Variants in CAMKMT observed in about 807,000 individuals in gnomAD.
The protein encoded by CAMKMT is calmodulin-lysine N-methyltransferase.
In CAMKMT, 53 loss-of-function variants were observed where a neutral mutation model predicts 48.0. The ratio of observed to expected loss-of-function variants is 1.10; its 90% CI spans 0.89 to 1.39. The LOEUF is 1.39. Ranked by LOEUF, CAMKMT falls within the 40% of genes most tolerant of loss-of-function variation. The probability of loss-of-function intolerance (pLI) is 0.00; values close to 1 mark genes in which losing one functional copy is unlikely to be tolerated. For missense variants in CAMKMT, 428 were observed against 402.7 expected, an observed-to-expected ratio of 1.06 and a Z score of -0.54; for synonymous variants, 165 against 152.3, an observed-to-expected ratio of 1.08 and a Z score of -0.61.
chr2:44,424,634 T>C (rs757399330), intron 3 of CAMKMT, among the ~76,000 whole-genome samples: 72 of 152,160 alleles, frequency 4.7e-4, no homozygotes, highest in Non-Finnish European at 9.6e-4. Flanking sequence ...CTGGATGAGA[T>C]TGGAGACTAT....
intron 3 of CAMKMT, among the ~76,000 whole-genome samples, chr2:44,573,581 C>T (rs1669041489): frequency 6.6e-6 from 1 of 151,942 alleles, no homozygotes; most frequent in Non-Finnish European, 1.5e-5. Context: ...ATATAGTTTT[C>T]ATTTTGTAGT....
At chr2:44,475,098 G>A (rs1668618804) in intron 3 of CAMKMT, among the ~76,000 whole-genome samples, 1 of 152,068 alleles carries the variant, frequency 6.6e-6, no homozygotes, top group Non-Finnish European at 1.5e-5. Flanking sequence ...ATAGCATGTG[G>A]CTTAGTTTAA....
intron 3 of CAMKMT, among the ~76,000 whole-genome samples, chr2:44,638,962 C>T (rs72867763): frequency 0.013 from 2,004 of 152,284 alleles, 32 homozygotes; most frequent in African/African-American, 0.04. Context: ...TCTGGGTTGT[C>T]TGAACTGCCA....
chr2:44,678,359 T>G (rs510026), intron 3 of CAMKMT, among the ~76,000 whole-genome samples: 2 of 151,990 alleles, frequency 1.3e-5, no homozygotes, highest in East Asian at 1.9e-4. Context: ...CTTCTCTAAA[T>G]GTGACTGTGT....
chr2:44,637,755 CAG>C (rs1373457012), intron 3 of CAMKMT, among the ~76,000 whole-genome samples: 1 of 151,968 alleles, frequency 6.6e-6, no homozygotes, highest in Non-Finnish European at 1.5e-5. Context: ...CATGTGTTTG[CAG>C]AGTTTCCTAG....
At chr2:44,382,005 G>T (rs1680295664) in intron 2 of CAMKMT, among the ~76,000 whole-genome samples, 1 of 143,086 alleles carries the variant, frequency 7.0e-6, no homozygotes, top group Non-Finnish European at 1.5e-5. Context: ...GCAATGGCAC[G>T]ATCTCGGCTC....
intron 3 of CAMKMT, among the ~76,000 whole-genome samples, chr2:44,433,672 C>T (rs1421666198): frequency 7.2e-5 from 11 of 152,122 alleles, no homozygotes; most frequent in African/African-American, 2.2e-4. Context: ...ATGATAATGT[C>T]ATATGAATGA....
At chr2:44,408,338 A>G (rs929072876) in intron 3 of CAMKMT, among the ~76,000 whole-genome samples, 1 of 151,954 alleles carries the variant, frequency 6.6e-6, no homozygotes, top group Non-Finnish European at 1.5e-5. Flanking sequence ...TTTACTCTTT[A>G]TAGATTGCTA....
At chr2:44,586,306 TAA>T (rs1374043823) in intron 3 of CAMKMT, among the ~76,000 whole-genome samples, 1 of 151,786 alleles carries the variant, frequency 6.6e-6, no homozygotes, top group Non-Finnish European at 1.5e-5. Context: ...TACAATTTGA[TAA>T]GTTTTAACAT....
At chr2:44,463,475 A>G (rs1667950190) in intron 3 of CAMKMT, among the ~76,000 whole-genome samples, 1 of 152,178 alleles carries the variant, frequency 6.6e-6, no homozygotes, top group African/African-American at 2.4e-5. Flanking sequence ...CCTTGAGAGG[A>G]AAACAGAAAA....
At chr2:44,660,894 G>A (rs1406741029) in intron 3 of CAMKMT, among the ~76,000 whole-genome samples, 1 of 152,132 alleles carries the variant, frequency 6.6e-6, no homozygotes, top group Non-Finnish European at 1.5e-5. Flanking sequence ...ACCTGGCCAG[G>A]CCAGTGTATT....
At chr2:44,470,611 TG>T (rs1420287285) in intron 3 of CAMKMT, among the ~76,000 whole-genome samples, 3 of 152,232 alleles carry the variant, frequency 2.0e-5, no homozygotes, top group African/African-American at 7.2e-5. Flanking sequence ...GTACGTTTAC[TG>T]TCTTTATTTA....
chr2:44,771,990 C>A, intron 10 of CAMKMT, 46 bp from the exon 11 acceptor site: 1 of 1,282,364 alleles, frequency 7.8e-7, no homozygotes, highest in Non-Finnish European at 1.1e-6. Flanking sequence ...GGTAAAGATC[C>A]CTAATTGGAG....
At chr2:44,426,334 C>T (rs1199925474) in intron 3 of CAMKMT, among the ~76,000 whole-genome samples, 1 of 152,060 alleles carries the variant, frequency 6.6e-6, no homozygotes. Flanking sequence ...GAAGTCTTAA[C>T]CAGAGCAATC....
At chr2:44,492,953 G>C (rs1167069831) in intron 3 of CAMKMT, among the ~76,000 whole-genome samples, 1 of 151,070 alleles carries the variant, frequency 6.6e-6, no homozygotes, top group Non-Finnish European at 1.5e-5. Context: ...GAGTGCAATG[G>C]CATGATCTTA....
intron 3 of CAMKMT, among the ~76,000 whole-genome samples, chr2:44,702,714 C>T (rs1452946400): frequency 1.3e-5 from 2 of 152,184 alleles, no homozygotes; most frequent in Non-Finnish European, 2.9e-5. Flanking sequence ...TGCTGGTTTT[C>T]CTTGTTTCTC....
intron 3 of CAMKMT, among the ~76,000 whole-genome samples, chr2:44,546,516 C>T (rs1667419844): frequency 6.6e-6 from 1 of 152,206 alleles, no homozygotes; most frequent in South Asian, 2.1e-4. Context: ...TTTGCTAATG[C>T]TATTCCTGAT....
intron 3 of CAMKMT, among the ~76,000 whole-genome samples, chr2:44,623,505 T>C (rs1672307204): frequency 6.6e-6 from 1 of 152,132 alleles, no homozygotes; most frequent in Admixed American, 6.5e-5. Context: ...TTTTTTTATA[T>C]GGTGATAGCT....
chr2:44,670,455 A>G (rs1369479965), intron 3 of CAMKMT, among the ~76,000 whole-genome samples: 1 of 152,130 alleles, frequency 6.6e-6, no homozygotes, highest in Non-Finnish European at 1.5e-5. Flanking sequence ...ACTGCACTCC[A>G]GACTGGGCAG....
Sources: gnomAD v4.1 joint callset for allele counts (sites outside exome capture counted in the v4.1 genomes callset) on GRCh38, gnomAD v4.1.1 for gene constraint, MANE v1.5 for transcripts, NCBI Gene and HGNC (gene_info 2026-07-23, HGNC 2026-07-21) for gene names.